TAFA1: variants seen among roughly 807,000 people sequenced by gnomAD.
TAFA1 encodes chemokine-like protein TAFA-1.
A neutral mutation model predicts 18.5 loss-of-function variants in TAFA1; 4 were observed. The observed-to-expected ratio is 0.22, with a 90% CI of 0.11 to 0.49. The LOEUF is 0.49. TAFA1 is among the 20% of genes least tolerant of loss of function. TAFA1 has a pLI of 0.98. For synonymous variants in TAFA1, 56 were observed against 55.2 expected (o/e 1.01, Z -0.06); for missense variants, 147 against 169.0 (o/e 0.87, Z 0.72).
chr3:68,542,969 A>G (rs2073401919), intron 4 of TAFA1, among the ~76,000 whole-genome samples: 1 of 152,198 alleles, frequency 6.6e-6, no homozygotes, highest in Non-Finnish European at 1.5e-5. Context: ...ACCTGAAAAA[A>G]TAAGTTATCA....
chr3:68,043,171 C>T (rs545385103), intron 2 of TAFA1, among the ~76,000 whole-genome samples: 2 of 152,182 alleles, frequency 1.3e-5, no homozygotes, highest in African/African-American at 2.4e-5. Flanking sequence ...CGTGCCCAGC[C>T]TATATTATGC....
At chr3:68,105,593 G>A (rs1275374239) in intron 2 of TAFA1, among the ~76,000 whole-genome samples, 2 of 152,092 alleles carry the variant, frequency 1.3e-5, no homozygotes, top group Non-Finnish European at 2.9e-5. Context: ...ACAGAATCAA[G>A]TATTTACTTT....
intron 2 of TAFA1, among the ~76,000 whole-genome samples, chr3:68,050,640 G>T (rs577450903): frequency 5.3e-5 from 8 of 152,264 alleles, no homozygotes; most frequent in African/African-American, 1.9e-4. Context: ...CTCGATCCCA[G>T]ATAGGGCTGG....
intron 2 of TAFA1, among the ~76,000 whole-genome samples, chr3:68,382,387 A>G (rs2069986601): frequency 6.6e-6 from 1 of 151,804 alleles, no homozygotes; most frequent in African/African-American, 2.4e-5. Flanking sequence ...GTTTAAGTTG[A>G]TTTTTGTATA....
At chr3:68,352,975 C>T (rs974875606) in intron 2 of TAFA1, among the ~76,000 whole-genome samples, 4 of 151,956 alleles carry the variant, frequency 2.6e-5, no homozygotes, top group East Asian at 1.9e-4. Context: ...AATCAAAAAG[C>T]GAAGAAGCCA....
chr3:68,454,831 G>A (rs1018190124), intron 3 of TAFA1, among the ~76,000 whole-genome samples: 2 of 152,112 alleles, frequency 1.3e-5, no homozygotes, highest in African/African-American at 4.8e-5. Flanking sequence ...GTGGCATCCA[G>A]GAATCTGCAT....
At chr3:68,056,273 G>C (rs907221360) in intron 2 of TAFA1, among the ~76,000 whole-genome samples, 2 of 152,058 alleles carry the variant, frequency 1.3e-5, no homozygotes, top group East Asian at 3.9e-4. Flanking sequence ...CTGTTTCCTA[G>C]GACCACTTTG....
At chr3:68,185,356 G>A (rs1412588705) in intron 2 of TAFA1, among the ~76,000 whole-genome samples, 1 of 152,070 alleles carries the variant, frequency 6.6e-6, no homozygotes, top group Non-Finnish European at 1.5e-5. Context: ...GGTAAAGAGA[G>A]TAGAAGTTTG....
At chr3:68,307,676 G>A (rs1459530756) in intron 2 of TAFA1, among the ~76,000 whole-genome samples, 1 of 152,080 alleles carries the variant, frequency 6.6e-6, no homozygotes, top group South Asian at 2.1e-4. Context: ...CACAGGGCAA[G>A]GCACTTGAAA....
At chr3:68,469,577 G>A (rs945834267) in intron 3 of TAFA1, among the ~76,000 whole-genome samples, 2 of 152,156 alleles carry the variant, frequency 1.3e-5, no homozygotes, top group East Asian at 1.9e-4. Context: ...GGAGGCTGAG[G>A]CAGGAGAATG....
intron 3 of TAFA1, among the ~76,000 whole-genome samples, chr3:68,450,796 T>C (rs900064252): frequency 1.3e-5 from 2 of 152,178 alleles, no homozygotes; most frequent in African/African-American, 4.8e-5. Context: ...ATGACTCTAG[T>C]AATGTAGTCA....
chr3:68,521,623 C>A (rs1223258403), intron 3 of TAFA1, among the ~76,000 whole-genome samples: 1 of 152,096 alleles, frequency 6.6e-6, no homozygotes, highest in Non-Finnish European at 1.5e-5. Flanking sequence ...TGTACAGTAT[C>A]AAAGTATACC....
Position 68,222,264 on chromosome 3 carries a change from G to A in TAFA1, c.119-195016G>A, listed in dbSNP as rs1278938477. 2.0e-5 allele frequency among the ~76,000 whole-genome samples: 3 copies of A among 152,122 alleles called. No homozygotes were observed. The South Asian group carries it at 6.2e-4, about 31-fold the overall frequency. On this transcript the variant is annotated intron_variant, in intron 2 of 4. Coordinates refer to ENST00000478136, the MANE Select transcript of TAFA1 (RefSeq NM_213609.4). ...CTGATGTCATTGCCGTTAGGTTATT[G>A]TTCCTTTCACAAGATGAATTTTATG...
At chr3:68,216,521 A>T (rs1002594642) in intron 2 of TAFA1, among the ~76,000 whole-genome samples, 5 of 152,128 alleles carry the variant, frequency 3.3e-5, no homozygotes, top group Non-Finnish European at 1.5e-5. Context: ...ATAAAGTTGT[A>T]TTCCACAAAA....
intron 2 of TAFA1, among the ~76,000 whole-genome samples, chr3:68,052,544 G>A (rs188186495): frequency 1.6e-4 from 25 of 152,236 alleles, no homozygotes; most frequent in Admixed American, 1.1e-3. Context: ...CTTGATCAGC[G>A]AACAACTTAC....
At chr3:68,430,071 T>C (rs928358557) in intron 3 of TAFA1, among the ~76,000 whole-genome samples, 1 of 151,812 alleles carries the variant, frequency 6.6e-6, no homozygotes, top group African/African-American at 2.4e-5. Context: ...GAACCTACAG[T>C]CCAGCAGGAG....
intron 2 of TAFA1, among the ~76,000 whole-genome samples, chr3:68,312,917 T>C (rs1329841131): frequency 6.6e-6 from 1 of 152,208 alleles, no homozygotes; most frequent in Non-Finnish European, 1.5e-5. Flanking sequence ...CAGTTCCACA[T>C]GGCTGGGGAA....
intron 3 of TAFA1, among the ~76,000 whole-genome samples, chr3:68,501,343 G>A (rs2665539): frequency 0.2 from 30,464 of 151,900 alleles, 3,153 homozygotes; most frequent in Middle Eastern, 0.24. Context: ...GGTCATAACC[G>A]AGGCTTGACA....
intron 2 of TAFA1, among the ~76,000 whole-genome samples, chr3:68,104,730 G>A (rs112717985): frequency 2.3e-3 from 347 of 152,122 alleles, no homozygotes; most frequent in African/African-American, 7.7e-3. Flanking sequence ...GTTTATGGCT[G>A]CTTTTGTACT....
Sources: allele counts gnomAD v4.1 joint callset (sites outside exome capture counted in the v4.1 genomes callset), GRCh38; gene constraint gnomAD v4.1.1; transcripts MANE v1.5; gene names NCBI Gene and HGNC (gene_info 2026-07-23, HGNC 2026-07-21).